Variants in TAFA4 observed in about 807,000 individuals in gnomAD.
TAFA4 encodes TAFA chemokine like family member 4, also known as chemokine-like protein TAFA-4.
In TAFA4, 20 loss-of-function variants were observed where a neutral mutation model predicts 21.1. The observed-to-expected ratio is 0.95, with a 90% CI of 0.67 to 1.38. The LOEUF (loss-of-function observed/expected upper bound fraction) is 1.38. TAFA4 is among the 40% of genes most tolerant of loss of function. TAFA4 has a pLI of 0.00. For synonymous variants in TAFA4, 71 were observed against 67.4 expected, an observed-to-expected ratio of 1.05 and a Z score of -0.26; for missense variants, 211 against 180.9, an observed-to-expected ratio of 1.17 and a Z score of -0.95.
At chr3:68,746,202 C>A (rs1468362923) in intron 4 of TAFA4, among the ~76,000 whole-genome samples, 2 of 152,110 alleles carry the variant, frequency 1.3e-5, no homozygotes, top group Admixed American at 1.3e-4. Context: ...TGTTGGCTTC[C>A]CTACTTTTGA....
intron 3 of TAFA4, among the ~76,000 whole-genome samples, chr3:68,831,096 T>C (rs949048282): frequency 2.0e-5 from 3 of 152,236 alleles, no homozygotes; most frequent in African/African-American, 7.2e-5. Context: ...ATATATGAGA[T>C]TGGTCTCCTG....
intron 3 of TAFA4, among the ~76,000 whole-genome samples, chr3:68,755,569 C>T (rs965715089): frequency 6.6e-6 from 1 of 152,176 alleles, no homozygotes; most frequent in African/African-American, 2.4e-5. Context: ...GTTTGTGCAG[C>T]CCCTTCCCAC....
At chr3:68,772,849 C>T (rs186108926) in intron 3 of TAFA4, among the ~76,000 whole-genome samples, 10 of 152,220 alleles carry the variant, frequency 6.6e-5, no homozygotes, top group Admixed American at 3.9e-4. Context: ...TCCATCCATC[C>T]GTCAATCCAT....
intron 5 of TAFA4, among the ~76,000 whole-genome samples, chr3:68,738,262 C>T (rs777695435): frequency 1.3e-5 from 2 of 152,160 alleles, no homozygotes; most frequent in Non-Finnish European, 2.9e-5. Flanking sequence ...ATGTTTAGAG[C>T]AGCAAGAAGG....
intron 3 of TAFA4, among the ~76,000 whole-genome samples, chr3:68,870,298 C>T (rs1189641076): frequency 6.6e-6 from 1 of 151,994 alleles, no homozygotes; most frequent in Non-Finnish European, 1.5e-5. Context: ...AGATTCAATG[C>T]AATCTCTATC....
chr3:68,900,289 T>TAAC (rs1221477049), intron 1 of TAFA4, among the ~76,000 whole-genome samples: 8 of 81,960 alleles, frequency 9.8e-5, no homozygotes, highest in East Asian at 5.0e-4. Context: ...ATAACAATAA[T>TAAC]AATAATAATA....
chr3:68,734,678 A>G (rs1188050549), intron 5 of TAFA4, among the ~76,000 whole-genome samples: 1 of 152,064 alleles, frequency 6.6e-6, no homozygotes, highest in African/African-American at 2.4e-5. Flanking sequence ...GTGATGGGGT[A>G]GAGATTGTCT....
intron 3 of TAFA4, among the ~76,000 whole-genome samples, chr3:68,798,213 G>A (rs1430229798): frequency 6.6e-6 from 1 of 152,276 alleles, no homozygotes; most frequent in Non-Finnish European, 1.5e-5. Flanking sequence ...GAGATATGCT[G>A]AAGTCAGCTG....
chr3:68,834,340 T>A (rs1188762480), intron 3 of TAFA4, among the ~76,000 whole-genome samples: 1 of 152,216 alleles, frequency 6.6e-6, no homozygotes, highest in Non-Finnish European at 1.5e-5. Flanking sequence ...ACTCCTCCTA[T>A]TATCAATTAT....
At chr3:68,829,706 A>G (rs1342929188) in intron 3 of TAFA4, among the ~76,000 whole-genome samples, 1 of 152,190 alleles carries the variant, frequency 6.6e-6, no homozygotes, top group Non-Finnish European at 1.5e-5. Flanking sequence ...GCCTCAAAAA[A>G]TTAGTTAGGG....
At chr3:68,823,463 T>A (rs929118437) in intron 3 of TAFA4, among the ~76,000 whole-genome samples, 19 of 152,168 alleles carry the variant, frequency 1.2e-4, no homozygotes, top group Admixed American at 1.2e-3. Context: ...TATTTTTAGT[T>A]CTGGGGTACA....
chr3:68,878,677 C>G (rs1198004848), intron 3 of TAFA4, among the ~76,000 whole-genome samples: 1 of 152,192 alleles, frequency 6.6e-6, no homozygotes, highest in African/African-American at 2.4e-5. Flanking sequence ...TGAAGCTACA[C>G]AGTCCCATAT....
At chr3:68,742,073 T>G (rs1702366934) in intron 4 of TAFA4, among the ~76,000 whole-genome samples, 1 of 152,200 alleles carries the variant, frequency 6.6e-6, no homozygotes, top group African/African-American at 2.4e-5. Context: ...GCTTAATCAA[T>G]AAATGTGATA....
chr3:68,754,957 G>A (rs1033307651), intron 3 of TAFA4, among the ~76,000 whole-genome samples: 17 of 152,104 alleles, frequency 1.1e-4, no homozygotes, highest in East Asian at 3.9e-4. Context: ...CCCTGCCCCC[G>A]TAATTTCTTC....
chr3:68,851,002 A>G (rs934023708), intron 3 of TAFA4, among the ~76,000 whole-genome samples: 3 of 152,138 alleles, frequency 2.0e-5, no homozygotes, highest in Non-Finnish European at 2.9e-5. Context: ...GTATATGCTC[A>G]AGGGAATATA....
At chr3:68,794,500 C>T (rs1169120106) in intron 3 of TAFA4, among the ~76,000 whole-genome samples, 2 of 152,142 alleles carry the variant, frequency 1.3e-5, no homozygotes, top group Admixed American at 6.5e-5. Flanking sequence ...TTCTCTCCTC[C>T]CCCGCACCAT....
chr3:68,779,269 C>T (rs892723625), intron 3 of TAFA4, among the ~76,000 whole-genome samples: 4 of 152,034 alleles, frequency 2.6e-5, no homozygotes, highest in Admixed American at 2.0e-4. Context: ...ACAGCATAAA[C>T]GTTTGGAAAA....
chr3:68,802,249 C>T (rs976249409), intron 3 of TAFA4, among the ~76,000 whole-genome samples: 1 of 151,986 alleles, frequency 6.6e-6, no homozygotes, highest in Non-Finnish European at 1.5e-5. Flanking sequence ...CTAAGTGTTC[C>T]ATTTTGATTC....
Position 68,771,601 on chromosome 3 carries a change from C to T in TAFA4, c.131-18583G>A, listed in dbSNP as rs141058886. Among the ~76,000 whole-genome samples the T allele has an allele frequency of 4.6e-5, 7 of 152,268 alleles. No homozygotes were observed. The East Asian group carries it at 9.6e-4, about 21-fold the overall frequency. On this transcript the variant is annotated intron_variant, in intron 3 of 5. Coordinates refer to ENST00000295569, the MANE Select transcript of TAFA4 (RefSeq NM_182522.5). ...ACCCAACAAAAAAAGTTTAAAAATT[C>T]GTATTATCAAAAGTACCACCCCTCC...
Sources: allele counts gnomAD v4.1 joint callset (sites outside exome capture counted in the v4.1 genomes callset), GRCh38; gene constraint gnomAD v4.1.1; transcripts MANE v1.5; gene names NCBI Gene and HGNC (gene_info 2026-07-23, HGNC 2026-07-21).